Variants in SUGP1 observed in about 807,000 individuals in gnomAD.
SUGP1 encodes SURP and G-patch domain containing 1, also known as SURP and G-patch domain-containing protein 1.
Under a neutral mutation model 76.5 loss-of-function variants are expected in SUGP1, and 34 were observed. The ratio of observed to expected loss-of-function variants is 0.44; its 90% CI spans 0.34 to 0.59. SUGP1 has a LOEUF of 0.59. Among genes scored for constraint, SUGP1 ranks in the 20% least tolerant of loss-of-function variants. The probability of loss-of-function intolerance (pLI) is 0.01; values close to 1 mark genes in which losing one functional copy is unlikely to be tolerated. For synonymous variants in SUGP1, 326 were observed against 326.2 expected, an observed-to-expected ratio of 1.00 and a Z score of 0.01; for missense variants, 752 against 851.7, an observed-to-expected ratio of 0.88 and a Z score of 1.46.
At chr19:19,287,196 A>G (rs4808937) in intron 8 of SUGP1, among the ~76,000 whole-genome samples, 63,751 of 151,990 alleles carry the variant, frequency 0.42, 14,812 homozygotes, top group African/African-American at 0.62. Flanking sequence ...CCTTGACCCC[A>G]GAGCGCAGAG....
chr19:19,296,778 C>T (rs2061228939), intron 8 of SUGP1, among the ~76,000 whole-genome samples: 1 of 152,152 alleles, frequency 6.6e-6, no homozygotes, highest in South Asian at 2.1e-4. Flanking sequence ...TTCACAACAG[C>T]CAAGCAGTGT....
chr19:19,295,476 C>T (rs1190172875), intron 8 of SUGP1, among the ~76,000 whole-genome samples: 4 of 151,628 alleles, frequency 2.6e-5, no homozygotes, highest in Admixed American at 6.6e-5. Context: ...TGGTGGCACA[C>T]GCCTGTAGTC....
intron 4 of SUGP1, 172 bp downstream of exon 4, chr19:19,305,677 C>T (rs2061310827): frequency 1.7e-6 from 1 of 597,806 alleles, no homozygotes; most frequent in Admixed American, 3.3e-5. Context: ...CGCCCCTCAC[C>T]CTCCTTTGCT....
intron 8 of SUGP1, among the ~76,000 whole-genome samples, chr19:19,295,502 G>A (rs2061217910): frequency 6.6e-6 from 1 of 151,284 alleles, no homozygotes; most frequent in Admixed American, 6.6e-5. Flanking sequence ...TACTTGGGAG[G>A]CTGAGGCAGG....
intron 8 of SUGP1, among the ~76,000 whole-genome samples, chr19:19,289,555 C>CT (rs2061165972): frequency 1.3e-5 from 2 of 152,124 alleles, no homozygotes; most frequent in South Asian, 2.1e-4. Flanking sequence ...CAAGATCAGT[C>CT]TGGCCAACTT....
chr19:19,277,209 CT>C, intron 12 of SUGP1, 133 bp from the exon 13 acceptor site: 2 of 720,228 alleles, frequency 2.8e-6, no homozygotes, highest in Non-Finnish European at 4.0e-6. Flanking sequence ...CAGAGAGAAG[CT>C]TGAACCTGAA....
intron 12 of SUGP1, 51 bp from the exon 13 acceptor site, chr19:19,277,127 G>A (rs368142819): frequency 2.9e-5 from 46 of 1,567,100 alleles, no homozygotes; most frequent in African/African-American, 2.6e-4. Flanking sequence ...AACTCTGGCC[G>A]GGGGGCCGGG....
chr19:19,303,406 C>G lies in SUGP1; in HGVS notation c.705G>C (p.Arg235Ser). The G allele has an allele frequency of 4.3e-6, 7 of 1,614,148 alleles. No individual in the cohort carries two copies. Among genetic ancestry groups the G allele is most frequent in the Non-Finnish European group, 5.9e-6 (7 of 1,180,030 alleles). ...CCTTTCTTATCTCAGCCACCTTCTTCCTGTAGTAGAGGAATTCCCTGCTAT... is the reference window on the plus strand; with the variant it reads ...CCTTTCTTATCTCAGCCACCTTCTTGCTGTAGTAGAGGAATTCCCTGCTAT... ...DKNSREFLYY[R>S]KKVAEIRKEA... Residue 235 changes from arginine to serine, a missense_variant, in exon 6 of 14, where the codon AGG becomes AGC. Physicochemically the swap from Arg to Ser is moderately radical, Grantham distance 110. Coordinates refer to ENST00000247001, the MANE Select transcript of SUGP1 (RefSeq NM_172231.4).
intron 7 of SUGP1, among the ~76,000 whole-genome samples, chr19:19,301,235 C>T (rs1201794281): frequency 1.3e-5 from 2 of 152,120 alleles, no homozygotes; most frequent in Non-Finnish European, 2.9e-5. Context: ...AAACAATCCA[C>T]GGCCCCAACA....
At chr19:19,315,829 G>T (rs902994335) in intron 2 of SUGP1, among the ~76,000 whole-genome samples, 72 of 150,430 alleles carry the variant, frequency 4.8e-4, no homozygotes, top group African/African-American at 1.7e-3. Flanking sequence ...AAGGGCAGAG[G>T]TTTTTTTTTG....
intron 8 of SUGP1, among the ~76,000 whole-genome samples, chr19:19,293,198 C>A (rs1323470614): frequency 6.6e-6 from 1 of 151,668 alleles, no homozygotes; most frequent in Non-Finnish European, 1.5e-5. Flanking sequence ...GCGTGAGTCA[C>A]CGTGCCTGGC....
At chr19:19,282,773 A>G (rs2061108161) in intron 8 of SUGP1, among the ~76,000 whole-genome samples, 1 of 152,160 alleles carries the variant, frequency 6.6e-6, no homozygotes, top group African/African-American at 2.4e-5. Context: ...TACTGAAAAA[A>G]AAATCAAGAA....
chr19:19,279,117 G>T, intron 10 of SUGP1, 96 bp downstream of exon 10: 1 of 1,351,226 alleles, frequency 7.4e-7, no homozygotes, highest in South Asian at 1.5e-5. Context: ...CAGGATGGCA[G>T]CTCAAGACCA....
chr19:19,305,902 TG>T lies in SUGP1; in HGVS notation c.484del (p.Gln162SerfsTer30). 6.2e-7 allele frequency: 1 copy of T among 1,613,642 alleles called. No homozygotes were observed. Among genetic ancestry groups the T allele is most frequent in the Non-Finnish European group, 8.5e-7 (1 of 1,179,860 alleles). On this transcript the variant is annotated frameshift_variant, in exon 4 of 14. Coordinates refer to ENST00000247001, the MANE Select transcript of SUGP1 (RefSeq NM_172231.4). LOFTEE classifies it high-confidence loss of function. ...CTCCTCCTCGTCCTCGTCAGGGGAC[TG>T]GAAGACACTCGGGCGGTGCGCCACG... Reference protein sequence around the residue: ...LPVAHRPSVFQSPDEDEEEDY... With the variant: ...LPVAHRPSVFXSPDEDEEEDY...
At position 19,277,725 on chromosome 19, in the gene SUGP1, C is replaced by T; in HGVS notation, c.1781+9G>A. 6.2e-7 allele frequency: 1 copy of T among 1,613,502 alleles called. No homozygotes were observed. ...TCATGGCCATGCCCTCCCACAAGGC[C>T]ACACTCACTTGTTCACTGGGTTCTT... On this transcript the variant is annotated intron_variant, in intron 12 of 13. Coordinates refer to ENST00000247001, the MANE Select transcript of SUGP1 (RefSeq NM_172231.4).
chr19:19,276,503 C>G lies in SUGP1; in HGVS notation c.*145G>C, dbSNP rs2061050127. ...CAGGAGGGGCTTCCTGCAACAGGAC[C>G]AGGCATCTGTGGTGGATGAGCACTG... On this transcript the variant is annotated 3_prime_UTR_variant, in exon 14 of 14. Coordinates refer to ENST00000247001, the MANE Select transcript of SUGP1 (RefSeq NM_172231.4). 5.0e-5 allele frequency: 47 copies of G among 939,938 alleles called. No homozygotes were observed. The South Asian group carries it at 7.2e-4, about 14-fold the overall frequency. 58.2% of individuals were successfully genotyped at this position (939,938 alleles called of 1,614,324 possible).
At chr19:19,290,100 A>G (rs2061169961) in intron 8 of SUGP1, among the ~76,000 whole-genome samples, 2 of 152,200 alleles carry the variant, frequency 1.3e-5, no homozygotes, top group Admixed American at 6.5e-5. Flanking sequence ...AGAAGGTGGT[A>G]GACTGGCAGA....
intron 8 of SUGP1, among the ~76,000 whole-genome samples, chr19:19,282,114 G>A (rs2061103408): frequency 1.3e-5 from 2 of 152,212 alleles, no homozygotes; most frequent in South Asian, 2.1e-4. Flanking sequence ...CAAGTAGCTG[G>A]GACTACAGGC....
rs762964595 is a variant in SUGP1 at position 19,277,095 on chromosome 19, G to A, written c.1782-19C>T. The A allele has an allele frequency of 1.2e-5, 19 of 1,602,284 alleles. No individual in the cohort carries two copies. Among genetic ancestry groups the A allele is most frequent in the Non-Finnish European group, 1.5e-5 (18 of 1,177,622 alleles). ...GGTGCCCCTACAGGGAGAAGAGGAT[G>A]TGAGCAGGGACCTGGGGCCAGAACT... is the stretch of plus-strand genomic sequence containing the variant. On this transcript the variant is annotated intron_variant, in intron 12 of 13. Coordinates refer to ENST00000247001, the MANE Select transcript of SUGP1 (RefSeq NM_172231.4).
Sources: allele counts gnomAD v4.1 joint callset (sites outside exome capture counted in the v4.1 genomes callset), GRCh38; gene constraint gnomAD v4.1.1; transcripts MANE v1.5; gene names NCBI Gene and HGNC (gene_info 2026-07-23, HGNC 2026-07-21).